NPHP3: variants seen among roughly 807,000 people sequenced by gnomAD.
The protein encoded by NPHP3 is nephrocystin-3.
A neutral mutation model predicts 171.9 loss-of-function variants in NPHP3; 123 were observed. That is an observed-to-expected ratio of 0.72 (90% CI 0.62 to 0.83). NPHP3 has a LOEUF of 0.83. Ranked by LOEUF, NPHP3 falls within the 40% of genes least tolerant of loss-of-function variation. NPHP3 has a pLI of 0.00. For missense variants in NPHP3, 1,506 were observed against 1,591.9 expected (o/e 0.95, Z 0.92); for synonymous variants, 558 against 579.2 (o/e 0.96, Z 0.52).
chr3:132,685,109 T>C lies in NPHP3; in HGVS notation c.3330-315A>G, dbSNP rs1939122579. On this transcript the variant is annotated intron_variant, in intron 23 of 26. Coordinates refer to ENST00000337331, the MANE Select transcript of NPHP3 (RefSeq NM_153240.5). ...AGACCTAGGTCCAATAAAAGATTTT[T>C]GTATTCACTCTTCCTCCCTTTGGAG... 9.6e-6 allele frequency: 3 copies of C among 311,376 alleles called. No individual in the cohort carries two copies. In the Admixed American group the frequency reaches 1.3e-4, roughly 14 times the overall value. The allele number at this position is 311,376 out of a possible 1,614,324, so 19.3% of individuals were successfully genotyped here.
chr3:132,720,934 T>C (rs77493046), intron 1 of NPHP3, among the ~76,000 whole-genome samples: 2 of 147,180 alleles, frequency 1.4e-5, no homozygotes, highest in Non-Finnish European at 1.5e-5. Context: ...TTTTTTTTTT[T>C]TGATACGGAG....
At chr3:132,690,842 C>T (rs116713479) in intron 18 of NPHP3, among the ~76,000 whole-genome samples, 192 bp from the exon 19 acceptor site, 1 of 152,166 alleles carries the variant, frequency 6.6e-6, no homozygotes, top group Non-Finnish European at 1.5e-5. Context: ...CAGTGATATG[C>T]AGAACCATCA....
intron 6 of NPHP3, among the ~76,000 whole-genome samples, chr3:132,708,744 T>C (rs1939824236): frequency 6.6e-6 from 1 of 152,166 alleles, no homozygotes; most frequent in Non-Finnish European, 1.5e-5. Context: ...GAGTTCTTTT[T>C]AATGCCTTTA....
chr3:132,722,132 T>G lies in NPHP3; in HGVS notation c.224A>C (p.Lys75Thr). The change falls in exon 1 of 27, where the codon AAG becomes ACG. Residue 75 changes from lysine (K) to threonine (T), a missense_variant. Coordinates refer to ENST00000337331, the MANE Select transcript of NPHP3 (RefSeq NM_153240.5). ...CTCTGGCACCGACGAGCCAGTGGAC[T>G]TGAAGCTGGCCCCCAGCAGCCCGCC... ...GAGGLLGASF[K>T]STGSSVPELE... 2 of 1,603,254 alleles carry G rather than the reference T, an allele frequency of 1.2e-6. No individual in the cohort carries two copies. The highest frequency in any genetic ancestry group is 4.5e-5 in the East Asian group (2 of 44,432).
At chr3:132,718,211 G>A in intron 3 of NPHP3, 3 of 301,366 alleles carry the variant, frequency 1.0e-5, no homozygotes, top group Non-Finnish European at 1.9e-5. Context: ...ATTACAAATG[G>A]GAGAGTGACT....
chr3:132,689,287 T>G, intron 19 of NPHP3, 24 bp from the exon 20 acceptor site: 1 of 1,611,306 alleles, frequency 6.2e-7, no homozygotes, highest in South Asian at 1.1e-5. Flanking sequence ...TAACAGTACT[T>G]TAATGAAAAA....
At chr3:132,686,022 C>G in intron 23 of NPHP3, 2 of 411,376 alleles carry the variant, frequency 4.9e-6, no homozygotes, top group East Asian at 5.4e-5. Flanking sequence ...GCACTCCAGC[C>G]TGGGCAACAG....
At chr3:132,721,904 G>T in intron 1 of NPHP3, 59 bp downstream of exon 1, 1 of 1,590,120 alleles carries the variant, frequency 6.3e-7, no homozygotes. Context: ...TTTGGAGAGG[G>T]AGCAGGACGG....
chr3:132,684,682 T>C lies in NPHP3; in HGVS notation c.3442A>G (p.Lys1148Glu), dbSNP rs768216395. ...LNNLAALCNEKKQYDKAEELY... is the reference protein window; with the variant it reads ...LNNLAALCNEEKQYDKAEELY... ...TCTTCTGCTTTATCATACTGTTTCT[T>C]TTCATTGCATAGAGCTGCCAGATTA... is the stretch of plus-strand genomic sequence containing the variant. The change falls in exon 24 of 27, where the codon AAG (lysine) becomes GAG (glutamate). Residue 1148 changes from lysine (K) to glutamate (E), a missense_variant. By Grantham distance (56) the Lys-to-Glu change is moderately conservative. Coordinates refer to ENST00000337331, the MANE Select transcript of NPHP3 (RefSeq NM_153240.5). The C allele has an allele frequency of 1.9e-6, 3 of 1,614,104 alleles. No individual in the cohort carries two copies. Among genetic ancestry groups the C allele is most frequent in the East Asian group, 4.5e-5 (2 of 44,872 alleles).
chr3:132,686,998 T>G (rs1397440992), intron 22 of NPHP3, among the ~76,000 whole-genome samples, 153 bp downstream of exon 22: 1 of 152,156 alleles, frequency 6.6e-6, no homozygotes, highest in Non-Finnish European at 1.5e-5. Flanking sequence ...AATATGATAT[T>G]TTAACACATA....
At position 132,701,533 on chromosome 3, in the gene NPHP3, A is replaced by G. The variant is rs1939605927; in HGVS notation, c.1525T>C (p.Tyr509His). ...NSAHELGFEKYYQRLNDLVAA... is the reference protein window; with the variant it reads ...NSAHELGFEKHYQRLNDLVAA... Reference sequence around the variant, plus strand: ...ACTAGATCATTAAGGCGTTGGTAATACTAGAAAAAAAAATGAATTTACATT... The same window carrying G: ...ACTAGATCATTAAGGCGTTGGTAATGCTAGAAAAAAAAATGAATTTACATT... The change falls in exon 10 of 27, where the codon TAT (tyrosine) becomes CAT (histidine). Residue 509 changes from tyrosine to histidine, a missense_variant and splice_region_variant. Tyr to His is a moderately conservative substitution (Grantham distance 83). Transcript: ENST00000337331. The G allele has an allele frequency of 9.4e-6, 15 of 1,601,912 alleles. No homozygotes were observed. The highest frequency in any genetic ancestry group is 3.3e-4 in the Middle Eastern group (2 of 6,066).
At chr3:132,689,457 G>A (rs1161831172) in intron 19 of NPHP3, among the ~76,000 whole-genome samples, 194 bp from the exon 20 acceptor site, 1 of 152,134 alleles carries the variant, frequency 6.6e-6, no homozygotes, top group Non-Finnish European at 1.5e-5. Context: ...CAGGTTATCT[G>A]ACCTCTTAGA....
At chr3:132,701,951 GGGAGGTGGA>G (rs1939621057) in intron 9 of NPHP3, among the ~76,000 whole-genome samples, 2 of 152,180 alleles carry the variant, frequency 1.3e-5, no homozygotes, top group Admixed American at 6.5e-5. Context: ...GCGTGAACCC[GGGAGGTGGA>G]GCTTGCAGTG....
chr3:132,693,778 CAGG>C (rs1939367256), intron 16 of NPHP3: 1 of 151,328 alleles, frequency 6.6e-6, no homozygotes, highest in Admixed American at 6.6e-5. Flanking sequence ...GAGGCCGAGG[CAGG>C]AGAATTGCTT....
Position 132,682,685 on chromosome 3 carries a change from A to T in NPHP3, c.3812+18T>A. ...CGAATAAAAGAGGCTGTATAAGGAA[A>T]GTGAAAAAAATTCTTACCTAAGCAC... On this transcript the variant is annotated intron_variant, in intron 26 of 26. Coordinates refer to ENST00000337331, the MANE Select transcript of NPHP3 (RefSeq NM_153240.5). The T allele has an allele frequency of 7.1e-7, 1 of 1,404,436 alleles. No homozygotes were observed. Among genetic ancestry groups the T allele is most frequent in the South Asian group, 1.2e-5 (1 of 86,808 alleles). The allele number at this position is 1,404,436 out of a possible 1,614,324, so 87.0% of individuals were successfully genotyped here. A position where few individuals can be genotyped will look rare whatever the true frequency, so the allele number is the denominator to read the frequency against.
At chr3:132,705,869 G>A in intron 7 of NPHP3, 55 bp from the exon 8 acceptor site, 2 of 942,390 alleles carry the variant, frequency 2.1e-6, no homozygotes, top group South Asian at 2.7e-5. Context: ...AGAAGGAAGT[G>A]GTGGTAAATA....
rs1027103763 is a variant in NPHP3, at chr3:132,699,968, G to A, written c.1837C>T (p.Arg613Cys). 3 of 1,613,954 alleles carry A rather than the reference G, an allele frequency of 1.9e-6. No homozygotes were observed. Among genetic ancestry groups the A allele is most frequent in the South Asian group, 1.1e-5 (1 of 91,074 alleles). The change falls in exon 12 of 27, where the codon CGT (arginine) becomes TGT (cysteine). Residue 613 changes from arginine (R) to cysteine (C), a missense_variant. Around this residue, in one of 3 missense-constraint regions of NPHP3, gnomAD observed 930 missense variants for 924.9 expected, o/e 1.01. Transcript: ENST00000337331. Reference sequence around the variant, plus strand: ...ACGATGATGATGCTGCCTTGATGACGAGCAGAGAGTTTTTCCAGCCAACGT... The same window carrying A: ...ACGATGATGATGCTGCCTTGATGACAAGCAGAGAGTTTTTCCAGCCAACGT... Reference protein sequence around the residue: ...FPRWLEKLSARHQGSIIIVID... With the variant: ...FPRWLEKLSACHQGSIIIVID...
intron 26 of NPHP3, chr3:132,682,384 A>T (rs1429758978): frequency 5.5e-6 from 3 of 549,796 alleles, no homozygotes; most frequent in Non-Finnish European, 9.7e-6. Flanking sequence ...ACAAATGAGC[A>T]AGCAAAAGTC....
At chr3:132,715,313 G>A (rs1230317193) in intron 4 of NPHP3, 95 bp from the exon 5 acceptor site, 2 of 985,406 alleles carry the variant, frequency 2.0e-6, no homozygotes, top group East Asian at 2.4e-5. Context: ...ATCATAGAAT[G>A]GAATCTGATC....
Sources: allele counts gnomAD v4.1 joint callset (sites outside exome capture counted in the v4.1 genomes callset), GRCh38; gene constraint gnomAD v4.1.1; regional missense constraint gnomAD v4.1.1; transcripts MANE v1.5; gene names NCBI Gene and HGNC (gene_info 2026-07-23, HGNC 2026-07-21).